SHISA9: variants seen among roughly 807,000 people sequenced by gnomAD.
SHISA9 encodes the protein shisa family member 9.
SHISA9 carries 13 observed loss-of-function variants against 38.0 expected under a neutral mutation model. The ratio of observed to expected loss-of-function variants is 0.34; its 90% CI spans 0.22 to 0.54. SHISA9 has a LOEUF of 0.54. Among genes scored for constraint, SHISA9 ranks in the 20% least tolerant of loss-of-function variants. SHISA9 has a pLI of 0.91. For missense variants in SHISA9, 538 were observed against 575.8 expected, an observed-to-expected ratio of 0.93 and a Z score of 0.67; for synonymous variants, 275 against 242.0, an observed-to-expected ratio of 1.14 and a Z score of -1.27.
chr16:13,490,594 C>G, the SHISA9 span, among the ~76,000 whole-genome samples: 1 of 152,114 alleles, frequency 6.6e-6, no homozygotes, highest in Non-Finnish European at 1.5e-5. Flanking sequence ...GAGGACAGAA[C>G]CTGAAGCCCC....
At chr16:13,167,538 T>C (rs1345576731) in intron 2 of SHISA9, among the ~76,000 whole-genome samples, 1 of 152,138 alleles carries the variant, frequency 6.6e-6, no homozygotes, top group Non-Finnish European at 1.5e-5. Flanking sequence ...ATCCCCAGTA[T>C]TGGAGGTGGG....
At chr16:13,472,592 C>T in the SHISA9 span, among the ~76,000 whole-genome samples, 1 of 151,832 alleles carries the variant, frequency 6.6e-6, no homozygotes, top group Non-Finnish European at 1.5e-5. Context: ...TGGGGTTTCA[C>T]CATGTTAGCC....
At chr16:13,344,223 C>A in the SHISA9 span, among the ~76,000 whole-genome samples, 7 of 152,206 alleles carry the variant, frequency 4.6e-5, no homozygotes, top group African/African-American at 1.4e-4. Context: ...TTCTTACTCA[C>A]TGACTTTGTG....
At chr16:13,324,928 T>C in the SHISA9 span, among the ~76,000 whole-genome samples, 3 of 152,328 alleles carry the variant, frequency 2.0e-5, no homozygotes, top group Admixed American at 6.5e-5. Flanking sequence ...GATTCAAAGT[T>C]TTCCTGATTG....
intron 2 of SHISA9, among the ~76,000 whole-genome samples, chr16:12,981,995 C>G (rs144701566): frequency 1.3e-5 from 2 of 152,198 alleles, no homozygotes; most frequent in African/African-American, 4.8e-5. Flanking sequence ...ATTTAAGCCA[C>G]CCAGTCTGTG....
At chr16:13,383,078 A>G in the SHISA9 span, among the ~76,000 whole-genome samples, 201 of 152,354 alleles carry the variant, frequency 1.3e-3, 2 homozygotes, top group African/African-American at 4.5e-3. Flanking sequence ...TGGAACTTAC[A>G]TTCTCATGGG....
chr16:12,910,397 A>G (rs1189488749), intron 1 of SHISA9: 7 of 869,970 alleles, frequency 8.0e-6, no homozygotes, highest in Non-Finnish European at 9.7e-6. Flanking sequence ...ATAACCATGA[A>G]TAGTACAAAA....
chr16:13,181,504 A>T (rs1348754126), intron 2 of SHISA9, among the ~76,000 whole-genome samples: 1 of 151,856 alleles, frequency 6.6e-6, no homozygotes. Flanking sequence ...AGGTAATGCC[A>T]TGTGTCTGGA....
intron 2 of SHISA9, among the ~76,000 whole-genome samples, chr16:13,137,666 G>A (rs550786253): frequency 3.2e-4 from 49 of 152,092 alleles, no homozygotes; most frequent in Non-Finnish European, 6.6e-4. Flanking sequence ...ATGTTGGCCA[G>A]GATGGTCTTG....
the SHISA9 span, among the ~76,000 whole-genome samples, chr16:13,270,908 A>G: frequency 6.6e-6 from 1 of 151,892 alleles, no homozygotes; most frequent in African/African-American, 2.4e-5. Context: ...TCCCTTTAAG[A>G]AGAGATAAAT....
At chr16:13,507,148 C>T in the SHISA9 span, among the ~76,000 whole-genome samples, 1 of 151,840 alleles carries the variant, frequency 6.6e-6, no homozygotes, top group African/African-American at 2.4e-5. Context: ...GTAACTTTGG[C>T]TTTTGTTCTA....
chr16:13,407,093 A>C, the SHISA9 span, among the ~76,000 whole-genome samples: 1 of 151,018 alleles, frequency 6.6e-6, no homozygotes, highest in African/African-American at 2.4e-5. Context: ...AAAAAAAAAA[A>C]AAAAGACCAT....
At chr16:13,183,615 C>T (rs928235255) in intron 2 of SHISA9, among the ~76,000 whole-genome samples, 17 of 152,240 alleles carry the variant, frequency 1.1e-4, no homozygotes, top group African/African-American at 3.6e-4. Context: ...AATTAAGTCT[C>T]TATAAAGTGC....
the SHISA9 span, among the ~76,000 whole-genome samples, chr16:13,487,624 A>C: frequency 1.3e-5 from 2 of 152,250 alleles, no homozygotes; most frequent in African/African-American, 4.8e-5. Flanking sequence ...TTATAATTCA[A>C]CATGAGATTT....
At chr16:13,285,462 G>GTTTTTTTTTTTTTTT in the SHISA9 span, among the ~76,000 whole-genome samples, 18 of 95,786 alleles carry the variant, frequency 1.9e-4, 1 homozygote, top group African/African-American at 7.6e-4. Context: ...TTCAGGTGTA[G>GTTTTTTTTTTTTTTT]TTTTTTTTTT....
the SHISA9 span, among the ~76,000 whole-genome samples, chr16:13,433,427 A>T: frequency 2.6e-5 from 4 of 152,260 alleles, no homozygotes; most frequent in African/African-American, 9.6e-5. Flanking sequence ...TGTGTGTGTT[A>T]GTTATAATTG....
chr16:13,042,535 G>A (rs7192318), intron 2 of SHISA9, among the ~76,000 whole-genome samples: 3,592 of 152,164 alleles, frequency 0.024, 141 homozygotes, highest in African/African-American at 0.081. Context: ...GCCAAGAACA[G>A]TTGGTTTCCT....
the SHISA9 span, among the ~76,000 whole-genome samples, chr16:13,257,936 C>T: frequency 1.3e-5 from 2 of 152,162 alleles, no homozygotes; most frequent in Non-Finnish European, 2.9e-5. Context: ...TTGCAAGCAT[C>T]CTTCGCTAAA....
intron 2 of SHISA9, among the ~76,000 whole-genome samples, chr16:13,083,548 A>T (rs1432731445): frequency 2.0e-5 from 3 of 152,124 alleles, no homozygotes; most frequent in Non-Finnish European, 4.4e-5. Context: ...GGGAAAGGAG[A>T]CCAGCTAGGT....
Sources: gnomAD v4.1 joint callset for allele counts (sites outside exome capture counted in the v4.1 genomes callset) on GRCh38, gnomAD v4.1.1 for gene constraint, MANE v1.5 for transcripts, NCBI Gene and HGNC (gene_info 2026-07-23, HGNC 2026-07-21) for gene names.